PRR16: variants seen among roughly 807,000 people sequenced by gnomAD.
PRR16 encodes the protein proline rich 16, also known as protein Largen.
PRR16 carries 6 observed loss-of-function variants against 18.2 expected under a neutral mutation model. The observed-to-expected ratio is 0.33, with a 90% CI of 0.18 to 0.65. PRR16 has a LOEUF of 0.65. Among genes scored for constraint, PRR16 ranks in the 30% least tolerant of loss-of-function variants. PRR16 has a pLI of 0.74. For synonymous variants in PRR16, 151 were observed against 147.8 expected (o/e 1.02, Z -0.16); for missense variants, 412 against 376.6 (o/e 1.09, Z -0.78).
the PRR16 span, among the ~76,000 whole-genome samples, chr5:120,708,741 A>G: frequency 1.3e-5 from 2 of 152,160 alleles, no homozygotes. Context: ...CTAAGTTTAC[A>G]TGCACAACTT....
At chr5:120,689,813 C>A (rs1225468724), downstream of PRR16, among the ~76,000 whole-genome samples, 1 of 148,820 alleles carries the variant, frequency 6.7e-6, no homozygotes, top group Non-Finnish European at 1.5e-5. Flanking sequence ...TGTTGTATTT[C>A]TACTGATGAA....
rs777896312 is a variant in PRR16, at chr5:120,481,154, A to AG, written c.159+16509_159+16510insG. 1.4e-5 allele frequency: 14 copies of AG among 980,592 alleles called. No individual in the cohort carries two copies. The African/African-American group carries it at 2.2e-4, about 16-fold the overall frequency. 60.7% of individuals were successfully genotyped at this position (980,592 alleles called of 1,614,324 possible). On this transcript the variant is annotated intron_variant, in intron 1 of 1. Coordinates refer to ENST00000407149, the MANE Select transcript of PRR16 (RefSeq NM_001300783.2). Reference sequence around the variant, plus strand: ...AATGTTTTAAAATATATCTTATTTTATTTTTTTTTTGGAGATGAAGTCCCA... The same window carrying AG: ...AATGTTTTAAAATATATCTTATTTTAGTTTTTTTTTTGGAGATGAAGTCCCA...
chr5:120,475,977 C>T (rs1204250603), intron 1 of PRR16, among the ~76,000 whole-genome samples: 3 of 152,042 alleles, frequency 2.0e-5, no homozygotes, highest in Non-Finnish European at 1.5e-5. Context: ...ATTGATAAGT[C>T]TTGTTGATTC....
chr5:120,750,645 T>A, the PRR16 span, among the ~76,000 whole-genome samples: 1 of 151,512 alleles, frequency 6.6e-6, no homozygotes, highest in African/African-American at 2.4e-5. Flanking sequence ...CCACCCTGAG[T>A]GACAGAGTGA....
the PRR16 span, chr5:120,781,602 C>G: frequency 3.9e-5 from 6 of 152,270 alleles, no homozygotes; most frequent in South Asian, 1.2e-3. Flanking sequence ...GGGACACCTT[C>G]CTGCTTCTGT....
intron 1 of PRR16, among the ~76,000 whole-genome samples, chr5:120,469,620 A>G (rs1214706000): frequency 6.6e-6 from 1 of 152,094 alleles, no homozygotes; most frequent in Non-Finnish European, 1.5e-5. Flanking sequence ...ATGAGCCACC[A>G]TGTCTGGCTT....
At chr5:120,552,100 G>C (rs1752271959) in intron 1 of PRR16, among the ~76,000 whole-genome samples, 1 of 151,952 alleles carries the variant, frequency 6.6e-6, no homozygotes, top group Admixed American at 6.6e-5. Flanking sequence ...ATCTTTCATA[G>C]TAGTGGCAGG....
chr5:120,678,361 AC>A (rs756516703), intron 1 of PRR16, among the ~76,000 whole-genome samples: 3 of 152,098 alleles, frequency 2.0e-5, no homozygotes, highest in Non-Finnish European at 4.4e-5. Flanking sequence ...ATCAGACCTA[AC>A]CATGGAAAGC....
At chr5:120,542,569 C>G (rs1316868477) in intron 1 of PRR16, among the ~76,000 whole-genome samples, 1 of 152,108 alleles carries the variant, frequency 6.6e-6, no homozygotes, top group African/African-American at 2.4e-5. Context: ...CAAGATACCA[C>G]CTCTCATTTA....
In PRR16 at chr5:120,683,456, C is replaced by T. The variant is rs372472822; in HGVS notation, c.160-2498C>T. Among the ~76,000 whole-genome samples the T allele has an allele frequency of 2.0e-4, 29 of 148,010 alleles. No homozygotes were observed. In the East Asian group the frequency reaches 5.3e-3, roughly 27 times the overall value. On this transcript the variant is annotated intron_variant, in intron 1 of 1. Coordinates refer to ENST00000407149, the MANE Select transcript of PRR16 (RefSeq NM_001300783.2). ...GATGGAGGTTGCGGTGAGCTGAGAT[C>T]GCATCACTGCACTCCAGCCTGGGCG...
chr5:120,728,772 C>A, the PRR16 span, among the ~76,000 whole-genome samples: 1 of 152,116 alleles, frequency 6.6e-6, no homozygotes, highest in Non-Finnish European at 1.5e-5. Flanking sequence ...ATTGTTTACT[C>A]TACTTATTCT....
At chr5:120,586,787 T>A (rs1753459534) in intron 1 of PRR16, among the ~76,000 whole-genome samples, 1 of 152,172 alleles carries the variant, frequency 6.6e-6, no homozygotes, top group Non-Finnish European at 1.5e-5. Context: ...TTAGTAACCC[T>A]GCAATGACCT....
the PRR16 span, among the ~76,000 whole-genome samples, chr5:120,735,170 G>A: frequency 1.3e-5 from 2 of 152,166 alleles, no homozygotes; most frequent in African/African-American, 4.8e-5. Flanking sequence ...GTTCATTCAT[G>A]TTGTACCACT....
At chr5:120,766,991 G>A in the PRR16 span, among the ~76,000 whole-genome samples, 1 of 151,864 alleles carries the variant, frequency 6.6e-6, no homozygotes, top group East Asian at 1.9e-4. Flanking sequence ...AATACTAAGA[G>A]AAAATGTTTT....
At chr5:120,527,124 C>A (rs748031075) in intron 1 of PRR16, among the ~76,000 whole-genome samples, 3 of 152,014 alleles carry the variant, frequency 2.0e-5, no homozygotes, top group African/African-American at 7.3e-5. Context: ...ATCAGCAAAC[C>A]TTTTTTGTAA....
At chr5:120,557,207 G>C (rs566820188) in intron 1 of PRR16, among the ~76,000 whole-genome samples, 1 of 151,890 alleles carries the variant, frequency 6.6e-6, no homozygotes, top group South Asian at 2.1e-4. Context: ...AGAAATATCT[G>C]TCTTTTCTGA....
chr5:120,481,410 C>A, intron 1 of PRR16: 1 of 263,284 alleles, frequency 3.8e-6, no homozygotes, highest in South Asian at 3.3e-5. Flanking sequence ...GTGTTACAGG[C>A]GTGAGCCACC....
chr5:120,671,667 C>A (rs558274234), intron 1 of PRR16, among the ~76,000 whole-genome samples: 123 of 152,128 alleles, frequency 8.1e-4, no homozygotes, highest in African/African-American at 2.8e-3. Context: ...AAAGTAAAAA[C>A]ATGTCAAAAT....
intron 1 of PRR16, among the ~76,000 whole-genome samples, chr5:120,575,170 A>G (rs1361728472): frequency 6.6e-6 from 1 of 152,168 alleles, no homozygotes; most frequent in African/African-American, 2.4e-5. Flanking sequence ...AATATTATGC[A>G]TGGTTTCAGG....
Sources: gnomAD v4.1 joint callset for allele counts (sites outside exome capture counted in the v4.1 genomes callset) on GRCh38, gnomAD v4.1.1 for gene constraint, MANE v1.5 for transcripts, NCBI Gene and HGNC (gene_info 2026-07-23, HGNC 2026-07-21) for gene names.